DNER: variants seen among roughly 807,000 people sequenced by gnomAD.
DNER encodes delta and Notch-like epidermal growth factor-related receptor.
A neutral mutation model predicts 78.2 loss-of-function variants in DNER; 33 were observed. The ratio of observed to expected loss-of-function variants is 0.42; its 90% CI spans 0.32 to 0.56. The LOEUF is 0.56. Among genes scored for constraint, DNER ranks in the 20% least tolerant of loss-of-function variants. The probability of loss-of-function intolerance (pLI) is 0.11; values close to 1 mark genes in which losing one functional copy is unlikely to be tolerated. For synonymous variants in DNER, 417 were observed against 384.8 expected, an observed-to-expected ratio of 1.08 and a Z score of -0.98; for missense variants, 918 against 975.3, an observed-to-expected ratio of 0.94 and a Z score of 0.78.
intron 1 of DNER, among the ~76,000 whole-genome samples, chr2:229,705,468 C>T (rs1326162193): frequency 6.6e-6 from 1 of 152,224 alleles, no homozygotes; most frequent in Non-Finnish European, 1.5e-5. Flanking sequence ...TAACATTACA[C>T]AAACCCAAAG....
intron 1 of DNER, among the ~76,000 whole-genome samples, chr2:229,705,005 C>A (rs1574576489): frequency 2.6e-5 from 4 of 152,296 alleles, no homozygotes; most frequent in Admixed American, 2.6e-4. Flanking sequence ...AAATTAACCA[C>A]AAGGTTTTGC....
intron 5 of DNER, among the ~76,000 whole-genome samples, chr2:229,514,339 C>T (rs998332057): frequency 6.6e-6 from 1 of 152,098 alleles, no homozygotes; most frequent in African/African-American, 2.4e-5. Flanking sequence ...ATAACAATTG[C>T]AAATAGTAAT....
At chr2:229,383,085 A>G (rs13403253) in intron 11 of DNER, among the ~76,000 whole-genome samples, 17,537 of 152,222 alleles carry the variant, frequency 0.12, 1,776 homozygotes, top group East Asian at 0.52. Context: ...CCTACAAGCC[A>G]GAAGAGAGTG....
chr2:229,660,177 A>T (rs1698985311), intron 1 of DNER, among the ~76,000 whole-genome samples: 1 of 152,142 alleles, frequency 6.6e-6, no homozygotes, highest in South Asian at 2.1e-4. Context: ...TTACATAGGT[A>T]AACTTGGGTC....
intron 11 of DNER, among the ~76,000 whole-genome samples, chr2:229,385,106 A>T (rs1025772079): frequency 1.3e-5 from 2 of 151,842 alleles, no homozygotes; most frequent in Non-Finnish European, 2.9e-5. Context: ...CATCTAAAAA[A>T]AAAAAAAAAA....
chr2:229,598,988 A>C (rs1407954182), intron 1 of DNER, among the ~76,000 whole-genome samples: 2 of 152,176 alleles, frequency 1.3e-5, no homozygotes, highest in African/African-American at 4.8e-5. Flanking sequence ...CAGCTCCTCC[A>C]ATATTATACC....
chr2:229,569,993 T>C (rs931379835), intron 4 of DNER, among the ~76,000 whole-genome samples: 1 of 152,202 alleles, frequency 6.6e-6, no homozygotes, highest in African/African-American at 2.4e-5. Flanking sequence ...AGGAGATCTG[T>C]GTGATTCCAG....
chr2:229,551,029 G>A (rs1696725283), intron 4 of DNER, among the ~76,000 whole-genome samples: 1 of 152,076 alleles, frequency 6.6e-6, no homozygotes, highest in South Asian at 2.1e-4. Flanking sequence ...GTTTTCACAG[G>A]TTTACTCAAA....
At chr2:229,530,333 C>T (rs1022752531) in intron 5 of DNER, among the ~76,000 whole-genome samples, 1 of 152,194 alleles carries the variant, frequency 6.6e-6, no homozygotes, top group Non-Finnish European at 1.5e-5. Flanking sequence ...GACCTTTGAA[C>T]TCTGGGCAAC....
At chr2:229,363,949 G>C (rs1000742037) in intron 12 of DNER, among the ~76,000 whole-genome samples, 1 of 147,568 alleles carries the variant, frequency 6.8e-6, no homozygotes, top group African/African-American at 2.5e-5. Context: ...GGACAGAAAA[G>C]GTTCTTGGGC....
intron 4 of DNER, among the ~76,000 whole-genome samples, chr2:229,579,690 T>C (rs1325492722): frequency 1.3e-5 from 2 of 152,100 alleles, no homozygotes; most frequent in African/African-American, 4.8e-5. Flanking sequence ...CCCCTATGAC[T>C]ACCTCAAAAC....
At chr2:229,603,457 GTATACTGATAAAA>G (rs1697872634) in intron 1 of DNER, among the ~76,000 whole-genome samples, 1 of 152,124 alleles carries the variant, frequency 6.6e-6, no homozygotes. Context: ...AACAGTTATA[GTATACTGATAAAA>G]TATACTATAC....
Position 229,477,253 on chromosome 2 carries a change from C to A in DNER, c.1148G>T (p.Gly383Val). Residue 383 changes from glycine to valine, a missense_variant and splice_region_variant, in exon 7 of 13, where the codon GGT (glycine) becomes GTT (valine). Physicochemically the swap from Gly to Val is moderately radical, Grantham distance 109. Coordinates refer to ENST00000341772, the MANE Select transcript of DNER (RefSeq NM_139072.4). ...GSNFTCVCLP[G>V]YTGELCQSKI... ...GGACTGGCAAAGCTCTCCAGTATAA[C>A]CTGAATAAAACAAAATGTACATTTT... The A allele has an allele frequency of 6.2e-7, 1 of 1,605,734 alleles. No individual in the cohort carries two copies. The highest frequency in any genetic ancestry group is 8.5e-7 in the Non-Finnish European group (1 of 1,175,260).
At chr2:229,494,378 T>C (rs956912143) in intron 6 of DNER, among the ~76,000 whole-genome samples, 1 of 152,160 alleles carries the variant, frequency 6.6e-6, no homozygotes, top group Non-Finnish European at 1.5e-5. Context: ...CCAAATACAA[T>C]GGTGGGACAG....
At chr2:229,383,851 C>T (rs192291243) in intron 11 of DNER, among the ~76,000 whole-genome samples, 23 of 152,226 alleles carry the variant, frequency 1.5e-4, no homozygotes, top group African/African-American at 4.6e-4. Context: ...GACAGATCCA[C>T]GAGACAGAAG....
intron 1 of DNER, among the ~76,000 whole-genome samples, chr2:229,613,568 C>T (rs1275020591): frequency 2.0e-5 from 3 of 151,824 alleles, no homozygotes; most frequent in Non-Finnish European, 4.4e-5. Context: ...TCACAAACCA[C>T]AAACATAATA....
chr2:229,606,730 T>C (rs7597773), intron 1 of DNER, among the ~76,000 whole-genome samples: 2,502 of 152,082 alleles, frequency 0.016, 76 homozygotes, highest in African/African-American at 0.057. Context: ...CTGTCTCGAT[T>C]AAAAATGCAA....
intron 9 of DNER, among the ~76,000 whole-genome samples, chr2:229,414,968 G>C (rs1693613090): frequency 6.6e-6 from 1 of 152,140 alleles, no homozygotes; most frequent in Admixed American, 6.6e-5. Context: ...TTCAAGACCA[G>C]CCTGACCAAC....
intron 7 of DNER, among the ~76,000 whole-genome samples, chr2:229,468,016 A>G (rs1487631420): frequency 1.3e-5 from 2 of 152,208 alleles, no homozygotes; most frequent in Non-Finnish European, 2.9e-5. Flanking sequence ...GGATAAGACG[A>G]CAGCACTGAA....
Sources: gnomAD v4.1 joint callset for allele counts (sites outside exome capture counted in the v4.1 genomes callset) on GRCh38, gnomAD v4.1.1 for gene constraint, MANE v1.5 for transcripts, NCBI Gene and HGNC (gene_info 2026-07-23, HGNC 2026-07-21) for gene names.